PRKG1: variants seen among roughly 807,000 people sequenced by gnomAD.
PRKG1 encodes protein kinase cGMP-dependent 1, also known as cGMP-dependent protein kinase 1.
In PRKG1, 35 loss-of-function variants were observed where a neutral mutation model predicts 88.1. The ratio of observed to expected loss-of-function variants is 0.40; its 90% CI spans 0.30 to 0.53. PRKG1 has a LOEUF of 0.53. Ranked by LOEUF, PRKG1 falls within the 20% of genes least tolerant of loss-of-function variation. The probability of loss-of-function intolerance (pLI) is 0.59; values close to 1 mark genes in which losing one functional copy is unlikely to be tolerated. For missense variants in PRKG1, 540 were observed against 839.8 expected (o/e 0.64, Z 4.41); for synonymous variants, 303 against 292.5 (o/e 1.04, Z -0.37).
Position 52,171,286 on chromosome 10 carries a change from C to T in PRKG1, c.1076+9323C>T, listed in dbSNP as rs541129004. ...TGGAAAATTGTTTTCCCCTATGGAA[C>T]GAATTCAAGTGAGCAATATCCTCTT... On this transcript the variant is annotated intron_variant, in intron 9 of 17. Transcript: ENST00000373980. Among the ~76,000 whole-genome samples, 50 of 151,996 alleles carry T rather than the reference C, an allele frequency of 3.3e-4. No homozygotes were observed. In the South Asian group the frequency reaches 8.9e-3, roughly 27 times the overall value.
chr10:51,595,352 G>A (rs1401323803), intron 3 of PRKG1, among the ~76,000 whole-genome samples: 2 of 152,166 alleles, frequency 1.3e-5, no homozygotes, highest in Non-Finnish European at 1.5e-5. Flanking sequence ...TAGGTCAGGT[G>A]TGGTGGTGGC....
At chr10:52,126,922 TTTTTCTTG>T (rs1847944110) in intron 7 of PRKG1, among the ~76,000 whole-genome samples, 1 of 152,162 alleles carries the variant, frequency 6.6e-6, no homozygotes, top group African/African-American at 2.4e-5. Context: ...AACATTGACA[TTTTTCTTG>T]TTTTCTTTAA....
chr10:51,096,501 GC>G (rs1178109345), intron 1 of PRKG1, among the ~76,000 whole-genome samples: 1 of 152,068 alleles, frequency 6.6e-6, no homozygotes, highest in Non-Finnish European at 1.5e-5. Context: ...CAGTACTTGT[GC>G]CCTTTACCTC....
At chr10:51,336,042 C>CA (rs535916029) in intron 2 of PRKG1, among the ~76,000 whole-genome samples, 160 of 152,112 alleles carry the variant, frequency 1.1e-3, no homozygotes, top group African/African-American at 3.5e-3. Flanking sequence ...GTTAGAATAC[C>CA]AAAAATCAAT....
intron 2 of PRKG1, among the ~76,000 whole-genome samples, chr10:51,459,998 G>A (rs1226521943): frequency 1.3e-5 from 2 of 152,054 alleles, no homozygotes; most frequent in Admixed American, 1.3e-4. Flanking sequence ...TATTTTGTAT[G>A]CTCATGGATT....
intron 5 of PRKG1, among the ~76,000 whole-genome samples, chr10:51,979,410 G>GTCTTTTTTT (rs1843936803): frequency 2.1e-5 from 1 of 47,056 alleles, no homozygotes; most frequent in Non-Finnish European, 3.6e-5. Flanking sequence ...ATATTGGTCT[G>GTCTTTTTTT]TTTTTTTTTT....
At chr10:51,910,614 T>A (rs577539123) in intron 5 of PRKG1, 1 of 152,344 alleles carries the variant, frequency 6.6e-6, no homozygotes, top group East Asian at 1.9e-4. Flanking sequence ...TTAAGCCCTC[T>A]TGGACACTAG....
rs112384597 is a variant in PRKG1 at position 51,817,503 on chromosome 10, C to T, written c.698+12813C>T. Among the ~76,000 whole-genome samples, 129 of 152,220 alleles carry T rather than the reference C, an allele frequency of 8.5e-4. No individual in the cohort carries two copies. In the Middle Eastern group the frequency reaches 0.027, roughly 32 times the overall value. ...TGAGAATGATGGTTTCCAGCTTCAT[C>T]CATGTCCCTGCATAGGACATGAACT... On this transcript the variant is annotated intron_variant, in intron 4 of 17. Transcript: ENST00000373980.
chr10:52,121,332 T>A (rs574822940), intron 7 of PRKG1, among the ~76,000 whole-genome samples: 1 of 152,290 alleles, frequency 6.6e-6, no homozygotes, highest in South Asian at 2.1e-4. Flanking sequence ...CTTCCTTCCA[T>A]CCATATTACT....
intron 5 of PRKG1, among the ~76,000 whole-genome samples, chr10:51,981,625 ATATT>A (rs2133110244): frequency 6.6e-6 from 1 of 152,132 alleles, no homozygotes; most frequent in Non-Finnish European, 1.5e-5. Context: ...AAAAAAAAGA[ATATT>A]TAATACTGGC....
chr10:51,030,289 T>C (rs1843266781), intron 1 of PRKG1, among the ~76,000 whole-genome samples: 1 of 152,174 alleles, frequency 6.6e-6, no homozygotes, highest in African/African-American at 2.4e-5. Flanking sequence ...AATAGCACTA[T>C]ATTATTTAAA....
intron 3 of PRKG1, among the ~76,000 whole-genome samples, chr10:51,471,624 A>G (rs2132823265): frequency 6.6e-6 from 1 of 152,044 alleles, no homozygotes; most frequent in East Asian, 1.9e-4. Flanking sequence ...TGGAAACTTA[A>G]AAGGAAAAGG....
At chr10:51,711,595 G>T (rs900980107) in intron 3 of PRKG1, among the ~76,000 whole-genome samples, 1 of 152,152 alleles carries the variant, frequency 6.6e-6, no homozygotes, top group African/African-American at 2.4e-5. Context: ...AACTGAAGTT[G>T]TCTTGCCTTT....
At chr10:51,942,347 T>C (rs1013859090) in intron 5 of PRKG1, among the ~76,000 whole-genome samples, 1 of 152,050 alleles carries the variant, frequency 6.6e-6, no homozygotes, top group African/African-American at 2.4e-5. Context: ...AGATTCTAGA[T>C]ATTAGCCCTT....
intron 1 of PRKG1, among the ~76,000 whole-genome samples, chr10:51,128,008 T>C (rs984018319): frequency 1.3e-5 from 2 of 152,008 alleles, no homozygotes; most frequent in Admixed American, 1.3e-4. Flanking sequence ...GTTTAACACA[T>C]GCAGGGCTTA....
chr10:52,213,235 G>C (rs920378704), intron 9 of PRKG1, among the ~76,000 whole-genome samples: 10 of 152,068 alleles, frequency 6.6e-5, no homozygotes, highest in African/African-American at 2.4e-4. Flanking sequence ...AAGAAGTTCA[G>C]TTGACTTTTG....
chr10:51,660,983 A>G (rs1435091841), intron 3 of PRKG1, among the ~76,000 whole-genome samples: 1 of 152,118 alleles, frequency 6.6e-6, no homozygotes, highest in Non-Finnish European at 1.5e-5. Context: ...CATAAATCAC[A>G]TATTAGAATC....
intron 8 of PRKG1, among the ~76,000 whole-genome samples, chr10:52,151,117 G>T (rs1837901926): frequency 6.6e-6 from 1 of 152,086 alleles, no homozygotes; most frequent in African/African-American, 2.4e-5. Context: ...GGGTACATGT[G>T]CAGTTTTGTT....
rs182083399 is a variant in PRKG1, at chr10:52,102,625, G to A, written c.936-31215G>A. Among the ~76,000 whole-genome samples the A allele has an allele frequency of 4.0e-3, 526 of 132,548 alleles. 6 individuals are homozygous for A. Among genetic ancestry groups the A allele is most frequent in the Non-Finnish European group, 6.1e-3 (345 of 57,020 alleles). 87.0% of individuals were successfully genotyped at this position (132,548 alleles called of 152,430 possible). Reference sequence around the variant, plus strand: ...AAAAAAAAATTGGTGGGAGGTAAGGGGTTTCAAGATAGGGATCTTGGAGAC... The same window carrying A: ...AAAAAAAAATTGGTGGGAGGTAAGGAGTTTCAAGATAGGGATCTTGGAGAC... On this transcript the variant is annotated intron_variant, in intron 7 of 17. Coordinates refer to ENST00000373980, the MANE Select transcript of PRKG1 (RefSeq NM_006258.4).
Sources: allele counts gnomAD v4.1 joint callset (sites outside exome capture counted in the v4.1 genomes callset), GRCh38; gene constraint gnomAD v4.1.1; transcripts MANE v1.5; gene names NCBI Gene and HGNC (gene_info 2026-07-23, HGNC 2026-07-21).